Variants in ATP10B observed in about 807,000 individuals in gnomAD.
ATP10B encodes the protein phospholipid-transporting ATPase VB.
ATP10B carries 122 observed loss-of-function variants against 141.2 expected under a neutral mutation model. The observed-to-expected ratio is 0.86, with a 90% CI of 0.75 to 1.00. The LOEUF (loss-of-function observed/expected upper bound fraction) is 1.00, where lower values mean the gene tolerates loss of function less well. Among genes scored for constraint, ATP10B ranks in the 50% least tolerant of loss-of-function variants. The probability of loss-of-function intolerance (pLI) is 0.00; values close to 1 mark genes in which losing one functional copy is unlikely to be tolerated. For missense variants in ATP10B, 1,876 were observed against 1,825.3 expected, an observed-to-expected ratio of 1.03 and a Z score of -0.51; for synonymous variants, 685 against 692.0, an observed-to-expected ratio of 0.99 and a Z score of 0.16.
chr5:160,633,755 G>GT (rs144295378), intron 12 of ATP10B: 1,775 of 161,334 alleles, frequency 0.011, 40 homozygotes, highest in African/African-American at 0.042. Context: ...TTGTGGGGGG[G>GT]TGGGGAGGGG....
chr5:160,657,930 C>T (rs1328250374), intron 7 of ATP10B, among the ~76,000 whole-genome samples: 2 of 152,106 alleles, frequency 1.3e-5, no homozygotes, highest in African/African-American at 4.8e-5. Flanking sequence ...GCCAGTGGCA[C>T]CTTAAGGGAG....
intron 2 of ATP10B, among the ~76,000 whole-genome samples, chr5:160,760,330 C>A (rs1425521670): frequency 1.3e-5 from 2 of 152,162 alleles, no homozygotes; most frequent in African/African-American, 4.8e-5. Context: ...GGCTAGAATT[C>A]TTTTTTTCCT....
intron 1 of ATP10B, among the ~76,000 whole-genome samples, chr5:160,823,001 CATATATATATATAT>C (rs60078265): frequency 2.9e-5 from 1 of 34,482 alleles, no homozygotes; most frequent in African/African-American, 9.3e-5. Context: ...TATATATATA[CATATATATATATAT>C]ATATATATAT....
chr5:160,740,281 T>G (rs945580507), intron 2 of ATP10B, among the ~76,000 whole-genome samples: 1 of 152,234 alleles, frequency 6.6e-6, no homozygotes, highest in African/African-American at 2.4e-5. Context: ...ATAATTTTCA[T>G]TTAGGGTCCA....
At chr5:160,608,355 G>T (rs1287583463) in intron 18 of ATP10B, among the ~76,000 whole-genome samples, 1 of 152,088 alleles carries the variant, frequency 6.6e-6, no homozygotes, top group Non-Finnish European at 1.5e-5. Context: ...TTGGTTCCAG[G>T]TCTCTGCTAT....
intron 18 of ATP10B, among the ~76,000 whole-genome samples, chr5:160,609,778 T>C (rs1757607591): frequency 2.0e-5 from 3 of 152,144 alleles, no homozygotes; most frequent in Admixed American, 6.5e-5. Flanking sequence ...AGAATATGCA[T>C]AGAGCCCAGA....
the ATP10B span, among the ~76,000 whole-genome samples, chr5:160,878,528 G>C: frequency 6.6e-6 from 1 of 152,096 alleles, no homozygotes; most frequent in Non-Finnish European, 1.5e-5. Flanking sequence ...AGACAAAATT[G>C]ACAAATGGGA....
chr5:160,642,629 A>G (rs74574230), intron 9 of ATP10B, among the ~76,000 whole-genome samples: 2,694 of 152,320 alleles, frequency 0.018, 69 homozygotes, highest in African/African-American at 0.06. Context: ...CAAAATGTCA[A>G]TGGTGCCAAA....
chr5:160,899,645 A>G, the ATP10B span, among the ~76,000 whole-genome samples: 1 of 152,204 alleles, frequency 6.6e-6, no homozygotes, highest in African/African-American at 2.4e-5. Flanking sequence ...CATGAGTAAT[A>G]CATGTTCATC....
intron 1 of ATP10B, among the ~76,000 whole-genome samples, chr5:160,792,181 C>T (rs1163641041): frequency 6.6e-6 from 1 of 152,146 alleles, no homozygotes; most frequent in African/African-American, 2.4e-5. Flanking sequence ...TTTATGTGGG[C>T]ATTGCTACTG....
At chr5:160,802,591 G>A (rs1772452453) in intron 1 of ATP10B, among the ~76,000 whole-genome samples, 1 of 152,234 alleles carries the variant, frequency 6.6e-6, no homozygotes, top group Non-Finnish European at 1.5e-5. Flanking sequence ...GAGAAACCCT[G>A]ACTTAGACAA....
the ATP10B span, among the ~76,000 whole-genome samples, chr5:160,876,428 A>G: frequency 2.0e-5 from 3 of 150,806 alleles, no homozygotes; most frequent in Non-Finnish European, 3.0e-5. Flanking sequence ...CCACAAGAGA[A>G]AGCAGGAAAC....
At chr5:160,891,732 C>T in the ATP10B span, among the ~76,000 whole-genome samples, 1 of 152,164 alleles carries the variant, frequency 6.6e-6, no homozygotes, top group Admixed American at 6.5e-5. Flanking sequence ...GCCACTGTGC[C>T]CAGCCAGAAA....
intron 3 of ATP10B, among the ~76,000 whole-genome samples, chr5:160,696,028 T>G (rs1278652999): frequency 6.6e-6 from 1 of 152,236 alleles, no homozygotes; most frequent in East Asian, 1.9e-4. Flanking sequence ...TTGAATCATC[T>G]TCTCAATTTT....
intron 14 of ATP10B, among the ~76,000 whole-genome samples, chr5:160,621,507 C>T (rs1459653335): frequency 1.3e-5 from 2 of 152,174 alleles, no homozygotes; most frequent in African/African-American, 4.8e-5. Context: ...GTACTTCTTC[C>T]CCTCTTAAAA....
At chr5:160,910,709 T>G in the ATP10B span, among the ~76,000 whole-genome samples, 1 of 152,194 alleles carries the variant, frequency 6.6e-6, no homozygotes, top group African/African-American at 2.4e-5. Flanking sequence ...AACACTATAT[T>G]TAATGTGCTT....
chr5:160,580,926 A>G lies in ATP10B; in HGVS notation c.3750+8666T>C, dbSNP rs976080803. Among the ~76,000 whole-genome samples, 51 of 151,890 alleles carry G rather than the reference A, an allele frequency of 3.4e-4. 2 individuals are homozygous for G. Among genetic ancestry groups the G allele is most frequent in the Non-Finnish European group, 1.2e-4 (8 of 67,962 alleles). ...CCAGGAATTTATCCATTTCTTCTTG[A>G]TTTTCCAGTACATTTGTGTAGAGGT... On this transcript the variant is annotated intron_variant, in intron 24 of 25. Transcript: ENST00000327245.
At chr5:160,667,361 A>G (rs1210711812) in intron 7 of ATP10B, among the ~76,000 whole-genome samples, 1 of 152,230 alleles carries the variant, frequency 6.6e-6, no homozygotes, top group Non-Finnish European at 1.5e-5. Context: ...TTCGTTTTGT[A>G]TAAAATGGAG....
intron 18 of ATP10B, among the ~76,000 whole-genome samples, chr5:160,607,816 A>G (rs1379143782): frequency 6.6e-6 from 1 of 152,124 alleles, no homozygotes; most frequent in Admixed American, 6.5e-5. Flanking sequence ...TTTTTCTTCC[A>G]TTACTTTTGA....
Sources: gnomAD v4.1 joint callset for allele counts (sites outside exome capture counted in the v4.1 genomes callset) on GRCh38, gnomAD v4.1.1 for gene constraint, MANE v1.5 for transcripts, NCBI Gene and HGNC (gene_info 2026-07-23, HGNC 2026-07-21) for gene names.